The following CSMD3 variants were observed in gnomAD, a reference collection of about 807,000 sequenced individuals.
CSMD3 encodes CUB and Sushi multiple domains 3, also known as CUB and sushi domain-containing protein 3.
In CSMD3, 177 loss-of-function variants were observed where a neutral mutation model predicts 435.2. The ratio of observed to expected loss-of-function variants is 0.41; its 90% CI spans 0.36 to 0.46. The LOEUF is 0.46. Among genes scored for constraint, CSMD3 ranks in the 20% least tolerant of loss-of-function variants. The pLI, the probability that CSMD3 is intolerant of heterozygous loss-of-function variation, is 0.34. For synonymous variants in CSMD3, 1,656 were observed against 1,520.5 expected (o/e 1.09, Z -2.07); for missense variants, 4,265 against 4,504.6 (o/e 0.95, Z 1.52).
chr8:113,413,070 T>C (rs1051333303), intron 1 of CSMD3, among the ~76,000 whole-genome samples: 2 of 152,188 alleles, frequency 1.3e-5, no homozygotes, highest in South Asian at 2.1e-4. Context: ...AATTGGTATC[T>C]AATGTTCGTT....
intron 63 of CSMD3, among the ~76,000 whole-genome samples, chr8:112,249,821 A>G (rs1462783229): frequency 6.6e-6 from 1 of 152,026 alleles, no homozygotes; most frequent in African/African-American, 2.4e-5. Context: ...CTCTTACACT[A>G]AAAGAATTAG....
At chr8:113,043,432 T>C (rs578070439) in intron 5 of CSMD3, among the ~76,000 whole-genome samples, 9 of 152,260 alleles carry the variant, frequency 5.9e-5, no homozygotes, top group Admixed American at 5.9e-4. Flanking sequence ...GGAAAATGTT[T>C]CCAGAAGTTG....
chr8:113,119,217 T>A (rs2090919353), intron 4 of CSMD3, among the ~76,000 whole-genome samples: 1 of 152,196 alleles, frequency 6.6e-6, no homozygotes, highest in South Asian at 2.1e-4. Flanking sequence ...TAAAACGTTA[T>A]ATAGACTAGA....
chr8:112,657,160 T>C (rs1024237776), intron 17 of CSMD3, among the ~76,000 whole-genome samples: 1 of 151,158 alleles, frequency 6.6e-6, no homozygotes, highest in Non-Finnish European at 1.5e-5. Flanking sequence ...CCTCCTGGAC[T>C]AAAGCAATTC....
At chr8:112,422,000 A>G (rs1563927071) in intron 32 of CSMD3, among the ~76,000 whole-genome samples, 1 of 152,050 alleles carries the variant, frequency 6.6e-6, no homozygotes. Flanking sequence ...TAAGCTAAAA[A>G]GGGAAAGAAC....
intron 32 of CSMD3, among the ~76,000 whole-genome samples, chr8:112,421,211 A>C (rs1194668088): frequency 6.6e-6 from 1 of 151,842 alleles, no homozygotes; most frequent in Non-Finnish European, 1.5e-5. Flanking sequence ...AAGCTTACTT[A>C]TTCTCACTAT....
chr8:113,158,349 C>T (rs2091973196), intron 4 of CSMD3, among the ~76,000 whole-genome samples: 1 of 151,952 alleles, frequency 6.6e-6, no homozygotes, highest in African/African-American at 2.4e-5. Context: ...GTCCTCCATG[C>T]ATGTATGATA....
intron 37 of CSMD3, among the ~76,000 whole-genome samples, chr8:112,382,236 A>G (rs1829526357): frequency 6.7e-6 from 1 of 148,510 alleles, no homozygotes; most frequent in Admixed American, 6.9e-5. Flanking sequence ...GTGAGCTATG[A>G]TTGCACCACT....
At chr8:112,619,288 T>C (rs1833887535) in intron 22 of CSMD3, among the ~76,000 whole-genome samples, 1 of 151,866 alleles carries the variant, frequency 6.6e-6, no homozygotes, top group Admixed American at 6.6e-5. Flanking sequence ...TCAGATTACA[T>C]ATTATCATAC....
At chr8:113,073,076 G>C (rs1048876917) in intron 5 of CSMD3, among the ~76,000 whole-genome samples, 7 of 151,574 alleles carry the variant, frequency 4.6e-5, no homozygotes, top group African/African-American at 1.7e-4. Context: ...ATTATAATCA[G>C]GAAATCTCTC....
chr8:112,628,163 C>A (rs1047016848), intron 22 of CSMD3, among the ~76,000 whole-genome samples: 2 of 151,950 alleles, frequency 1.3e-5, no homozygotes, highest in Non-Finnish European at 1.5e-5. Context: ...TATCACACAC[C>A]TTTTTTACCT....
At chr8:113,075,095 A>G (rs1475919224) in intron 5 of CSMD3, among the ~76,000 whole-genome samples, 1 of 151,810 alleles carries the variant, frequency 6.6e-6, no homozygotes, top group Non-Finnish European at 1.5e-5. Context: ...GTTTCTAAGC[A>G]AAATGTAGCC....
chr8:112,815,100 A>T (rs1587375201), intron 12 of CSMD3, among the ~76,000 whole-genome samples: 1 of 152,158 alleles, frequency 6.6e-6, no homozygotes, highest in South Asian at 2.1e-4. Context: ...AAGTTAAAAA[A>T]AAAAAGAAAA....
intron 38 of CSMD3, among the ~76,000 whole-genome samples, chr8:112,374,411 A>G (rs1338648855): frequency 1.3e-5 from 2 of 152,032 alleles, no homozygotes; most frequent in East Asian, 3.9e-4. Flanking sequence ...ATTTTAATTT[A>G]GGGCCACTGA....
chr8:112,786,489 T>C (rs1054223668), intron 13 of CSMD3, among the ~76,000 whole-genome samples: 2 of 151,484 alleles, frequency 1.3e-5, no homozygotes, highest in Non-Finnish European at 2.9e-5. Flanking sequence ...ACACACAAAA[T>C]GGGAGAAAAT....
At chr8:112,469,955 G>A (rs1043194610) in intron 32 of CSMD3, among the ~76,000 whole-genome samples, 3 of 152,138 alleles carry the variant, frequency 2.0e-5, no homozygotes, top group East Asian at 3.8e-4. Flanking sequence ...ATAGCTCAAC[G>A]TGGCAACAGA....
intron 27 of CSMD3, among the ~76,000 whole-genome samples, chr8:112,523,235 T>C (rs1025067509): frequency 1.3e-5 from 2 of 151,906 alleles, no homozygotes; most frequent in African/African-American, 2.4e-5. Flanking sequence ...AAGATATTAA[T>C]CCCTTGTATT....
intron 13 of CSMD3, among the ~76,000 whole-genome samples, chr8:112,771,622 T>A (rs1242328367): frequency 6.6e-6 from 1 of 152,032 alleles, no homozygotes; most frequent in African/African-American, 2.4e-5. Context: ...TAATTTCTAA[T>A]GAGTGCTACT....
chr8:112,346,407 GACA>G lies in CSMD3; in HGVS notation c.6326-197_6326-195del, dbSNP rs1363380373. Among the ~76,000 whole-genome samples, 4 of 151,878 alleles carry G rather than the reference GACA, an allele frequency of 2.6e-5. No homozygotes were observed. The South Asian group carries it at 6.2e-4, about 24-fold the overall frequency. On this transcript the variant is annotated intron_variant, in intron 40 of 70. Transcript: ENST00000297405. ...CAGATTTTCTAAAACAGCATAAAAA[GACA>G]ACATCCTTCCTTCCTCAGAAATAAG... is the stretch of plus-strand genomic sequence containing the variant.
Sources: allele counts gnomAD v4.1 joint callset (sites outside exome capture counted in the v4.1 genomes callset), GRCh38; gene constraint gnomAD v4.1.1; transcripts MANE v1.5; gene names NCBI Gene and HGNC (gene_info 2026-07-23, HGNC 2026-07-21).